Variants in ZHX3 observed in about 807,000 individuals in gnomAD.
The protein encoded by ZHX3 is zinc fingers and homeoboxes protein 3.
ZHX3 carries 20 observed loss-of-function variants against 64.5 expected under a neutral mutation model. The observed-to-expected ratio is 0.31, with a 90% CI of 0.22 to 0.45. The LOEUF (loss-of-function observed/expected upper bound fraction) is 0.45, where lower values mean the gene tolerates loss of function less well. ZHX3 is among the 20% of genes least tolerant of loss of function. The pLI is 1.00. For synonymous variants in ZHX3, 423 were observed against 461.6 expected (o/e 0.92, Z 1.07); for missense variants, 1,041 against 1,195.8 (o/e 0.87, Z 1.91).
In ZHX3 at chr20:41,298,342, G is replaced by C. The variant is rs1024243206; in HGVS notation, c.-245+19167C>G. ...ACACTACTATTAACACAGGGTTAAT[G>C]ATACATGTAGCAGTCCTTAGCACAG... On this transcript the variant is annotated intron_variant, in intron 1 of 3. Coordinates refer to ENST00000683867, the MANE Select transcript of ZHX3 (RefSeq NM_001384317.1). Among the ~76,000 whole-genome samples, 6 of 152,130 alleles carry C rather than the reference G, an allele frequency of 3.9e-5. No homozygotes were observed. In the East Asian group the frequency reaches 1.2e-3, roughly 29 times the overall value.
At chr20:41,207,752 A>G (rs1212036964) in intron 2 of ZHX3, among the ~76,000 whole-genome samples, 1 of 152,170 alleles carries the variant, frequency 6.6e-6, no homozygotes, top group East Asian at 1.9e-4. Flanking sequence ...GGAAATATCT[A>G]AAATTGACAC....
At chr20:41,227,143 G>C (rs1054739553) in intron 2 of ZHX3, among the ~76,000 whole-genome samples, 3 of 152,144 alleles carry the variant, frequency 2.0e-5, no homozygotes, top group Non-Finnish European at 1.5e-5. Context: ...GCTCAATAAA[G>C]TTCTGTATTT....
intron 2 of ZHX3, among the ~76,000 whole-genome samples, chr20:41,240,643 T>TC (rs971094363): frequency 1.4e-4 from 21 of 152,040 alleles, no homozygotes; most frequent in Admixed American, 8.5e-4. Flanking sequence ...CATCCCTATT[T>TC]CCCCCCCGTC....
chr20:41,217,924 C>A (rs530697951), intron 2 of ZHX3, among the ~76,000 whole-genome samples: 1 of 152,314 alleles, frequency 6.6e-6, no homozygotes, highest in East Asian at 1.9e-4. Context: ...CTACCTGTAA[C>A]TATTTTGACA....
intron 2 of ZHX3, among the ~76,000 whole-genome samples, chr20:41,205,650 C>T (rs1019503373): frequency 1.1e-4 from 17 of 152,174 alleles, no homozygotes; most frequent in African/African-American, 3.9e-4. Context: ...GCACTTATTC[C>T]AGGCCACAGA....
At position 41,201,272 on chromosome 20, in the gene ZHX3, C is replaced by G; in HGVS notation, c.2860+785G>C. The G allele has an allele frequency of 7.7e-7, 1 of 1,296,190 alleles. No homozygotes were observed. The highest frequency in any genetic ancestry group is 1.5e-5 in the African/African-American group (1 of 65,490). The allele number at this position is 1,296,190 out of a possible 1,614,324, so 80.3% of individuals were successfully genotyped here. A position where few individuals can be genotyped will look rare whatever the true frequency, so the allele number is the denominator to read the frequency against. Reference sequence around the variant, plus strand: ...CCTTCAGCTTCTACAATACTCCGCCCTCCTGGCTCTCACCTGAGCTTCTGG... The same window carrying G: ...CCTTCAGCTTCTACAATACTCCGCCGTCCTGGCTCTCACCTGAGCTTCTGG... On this transcript the variant is annotated intron_variant, in intron 3 of 3. Coordinates refer to ENST00000683867, the MANE Select transcript of ZHX3 (RefSeq NM_001384317.1). The surrounding 1 kb of genome is among the most constrained non-coding windows in gnomAD (Gnocchi z 5.0).
chr20:41,263,395 A>ATT (rs11479971), intron 2 of ZHX3, among the ~76,000 whole-genome samples: 1 of 140,236 alleles, frequency 7.1e-6, no homozygotes, highest in Non-Finnish European at 1.5e-5. Context: ...CATTAGAGGA[A>ATT]TTTTTTTTTT....
At chr20:41,270,587 AAT>A (rs1213412984) in intron 1 of ZHX3, among the ~76,000 whole-genome samples, 2 of 151,680 alleles carry the variant, frequency 1.3e-5, no homozygotes, top group African/African-American at 4.9e-5. Flanking sequence ...GAGGCAGGAG[AAT>A]AGCGTGAACC....
intron 1 of ZHX3, among the ~76,000 whole-genome samples, chr20:41,296,961 C>T (rs182678314): frequency 2.3e-4 from 35 of 152,294 alleles, no homozygotes; most frequent in African/African-American, 8.4e-4. Context: ...GGGGTAGTAA[C>T]AGCTCCACCA....
rs1240352391 is a variant in ZHX3 at position 41,203,408 on chromosome 20, A to G, written c.1509T>C (p.His503=). Residue 503 remains histidine, a synonymous_variant, in exon 3 of 4, where the codon CAT becomes CAC. Coordinates refer to ENST00000683867, the MANE Select transcript of ZHX3 (RefSeq NM_001384317.1). The surrounding 1 kb of genome is among the most constrained non-coding windows in gnomAD (Gnocchi z 7.1). ...DASIYKNKKS[H]EQLSALKGSF... ...TCCCTTTCAGAGCTGACAGCTGTTCATGAGATTTCTTATTTTTGTAGATGC... is the reference window on the plus strand; with the variant it reads ...TCCCTTTCAGAGCTGACAGCTGTTCGTGAGATTTCTTATTTTTGTAGATGC... 1.2e-6 allele frequency: 2 copies of G among 1,614,178 alleles called. No individual in the cohort carries two copies. Among genetic ancestry groups the G allele is most frequent in the East Asian group, 2.2e-5 (1 of 44,886 alleles).
chr20:41,184,138 A>AT lies in ZHX3; in HGVS notation c.*1052dup. 6.6e-6 allele frequency: 1 copy of AT among 152,152 alleles called. No homozygotes were observed. Among genetic ancestry groups the AT allele is most frequent in the South Asian group, 2.1e-4 (1 of 4,810 alleles). The allele number at this position is 152,152 out of a possible 1,614,324, so 9.4% of individuals were successfully genotyped here. ...TCTGATAATTCCAAGAAGTCAACAA[A>AT]TCCCTCCAGCCTTCACCCTTACTAA... On this transcript the variant is annotated 3_prime_UTR_variant, in exon 4 of 4. Transcript: ENST00000683867.
At chr20:41,247,257 G>T (rs1477074308) in intron 2 of ZHX3, among the ~76,000 whole-genome samples, 1 of 152,170 alleles carries the variant, frequency 6.6e-6, no homozygotes, top group Non-Finnish European at 1.5e-5. Flanking sequence ...GACAGAGGGA[G>T]AACCTGTTTC....
At chr20:41,314,455 A>G (rs2045231908) in intron 1 of ZHX3, among the ~76,000 whole-genome samples, 1 of 152,238 alleles carries the variant, frequency 6.6e-6, no homozygotes, top group Admixed American at 6.5e-5. Flanking sequence ...CTATAATTAT[A>G]TCTCTGGGTA....
In ZHX3 at chr20:41,197,134, G is replaced by A. The variant is rs980951252; in HGVS notation, c.2860+4923C>T. On this transcript the variant is annotated intron_variant, in intron 3 of 3. Coordinates refer to ENST00000683867, the MANE Select transcript of ZHX3 (RefSeq NM_001384317.1). ...GGCTCCTGATTACAATGCTTCTGAG[G>A]TTGCCAACAAAACTGGGATCATCTT... 2.2e-4 allele frequency: 48 copies of A among 215,898 alleles called. 1 individual carries two copies. Among genetic ancestry groups the A allele is most frequent in the Non-Finnish European group, 6.8e-5 (7 of 102,426 alleles). 13.4% of individuals were successfully genotyped at this position (215,898 alleles called of 1,614,324 possible). A position where few individuals can be genotyped will look rare whatever the true frequency, so the allele number is the denominator to read the frequency against.
At chr20:41,257,902 C>T (rs527883852) in intron 2 of ZHX3, among the ~76,000 whole-genome samples, 5 of 144,546 alleles carry the variant, frequency 3.5e-5, no homozygotes, top group East Asian at 3.9e-4. Context: ...TTAGCCACCA[C>T]GCCCAACCCT....
At chr20:41,268,640 C>T (rs191974794) in intron 2 of ZHX3, among the ~76,000 whole-genome samples, 3 of 152,246 alleles carry the variant, frequency 2.0e-5, no homozygotes, top group Admixed American at 2.0e-4. Context: ...GTATGTTCTG[C>T]ACTCAAACTA....
At chr20:41,265,762 TA>T (rs1568919440) in intron 2 of ZHX3, among the ~76,000 whole-genome samples, 1 of 152,136 alleles carries the variant, frequency 6.6e-6, no homozygotes, top group Non-Finnish European at 1.5e-5. Flanking sequence ...TAAATATCTT[TA>T]AAAATACAAA....
chr20:41,237,685 G>A (rs545912267), intron 2 of ZHX3, among the ~76,000 whole-genome samples: 38 of 152,202 alleles, frequency 2.5e-4, no homozygotes, highest in Admixed American at 2.3e-3. Flanking sequence ...AATGGGTGCA[G>A]CACACCAACA....
At chr20:41,237,325 G>A (rs1349356879) in intron 2 of ZHX3, among the ~76,000 whole-genome samples, 7 of 152,136 alleles carry the variant, frequency 4.6e-5, no homozygotes, top group Non-Finnish European at 1.0e-4. Context: ...TATGTTTATT[G>A]CGGCACTATT....
Sources: gnomAD v4.1 joint callset for allele counts (sites outside exome capture counted in the v4.1 genomes callset) on GRCh38, gnomAD v4.1.1 for gene constraint, Gnocchi (gnomAD v3.1) non-coding constraint, MANE v1.5 for transcripts, NCBI Gene and HGNC (gene_info 2026-07-23, HGNC 2026-07-21) for gene names.